MORC3: variants seen among roughly 807,000 people sequenced by gnomAD.
MORC3 encodes MORC family CW-type zinc finger protein 3.
In MORC3, 31 loss-of-function variants were observed where a neutral mutation model predicts 109.1. That is an observed-to-expected ratio of 0.28 (90% CI 0.21 to 0.38). The LOEUF is 0.38. Among genes scored for constraint, MORC3 ranks in the 10% least tolerant of loss-of-function variants. The pLI, the probability that MORC3 is intolerant of heterozygous loss-of-function variation, is 1.00. For missense variants in MORC3, 867 were observed against 1,135.8 expected (o/e 0.76, Z 3.40); for synonymous variants, 395 against 380.7 (o/e 1.04, Z -0.44).
intron 1 of MORC3, 132 bp from the exon 2 acceptor site, chr21:36,333,514 T>G (rs2085338381): frequency 1.5e-6 from 1 of 680,768 alleles, no homozygotes; most frequent in South Asian, 1.8e-5. Context: ...ATCTTCCAGA[T>G]GTATCCTGGA....
rs749196006 is a variant in MORC3 at position 36,369,024 on chromosome 21, G to A, written c.1656G>A (p.Leu552=). ...KRRLSTRSSI[L]NAKNRRLSSQ... ...GACTTTCTACTCGTTCCTCAATTTT[G>A]AATGCAAAGAATCGGAGATTGAGTA... The change falls in exon 15 of 17, where the codon TTG becomes TTA. Residue 552 remains leucine (L), a synonymous_variant. Coordinates refer to ENST00000400485, the MANE Select transcript of MORC3 (RefSeq NM_015358.3). 10 of 1,611,068 alleles carry A rather than the reference G, an allele frequency of 6.2e-6. No homozygotes were observed. Among genetic ancestry groups the A allele is most frequent in the Non-Finnish European group, 7.6e-6 (9 of 1,178,132 alleles).
At chr21:36,364,301 C>T (rs2085753780) in intron 14 of MORC3, 42 bp downstream of exon 14, 3 of 1,585,494 alleles carry the variant, frequency 1.9e-6, no homozygotes, top group Non-Finnish European at 2.6e-6. Flanking sequence ...GAATATTAAA[C>T]AGAGCTTTTA....
At chr21:36,360,596 C>T (rs191376890) in intron 12 of MORC3, 8 of 304,608 alleles carry the variant, frequency 2.6e-5, no homozygotes, top group Middle Eastern at 1.2e-3. Flanking sequence ...TTACCAGTTA[C>T]GTGTTGGTGA....
intron 6 of MORC3, among the ~76,000 whole-genome samples, chr21:36,342,762 T>C (rs1402227366): frequency 6.6e-6 from 1 of 151,724 alleles, no homozygotes; most frequent in African/African-American, 2.4e-5. Flanking sequence ...CTCACACATG[T>C]AATCCCAGCA....
At chr21:36,344,800 G>A in intron 7 of MORC3, 93 bp downstream of exon 7, 2 of 1,587,880 alleles carry the variant, frequency 1.3e-6, no homozygotes, top group Non-Finnish European at 1.7e-6. Context: ...ATTCTAGTCT[G>A]CTCTAGCTTT....
At chr21:36,373,389 C>G (rs1028773850) in intron 16 of MORC3, among the ~76,000 whole-genome samples, 4 of 150,382 alleles carry the variant, frequency 2.7e-5, no homozygotes, top group African/African-American at 9.8e-5. Context: ...TTTGGGAGGC[C>G]AAGATGGGTG....
At chr21:36,337,984 C>T in intron 4 of MORC3, 38 bp downstream of exon 4, 1 of 1,591,908 alleles carries the variant, frequency 6.3e-7, no homozygotes, top group Non-Finnish European at 8.6e-7. Flanking sequence ...TGTGGAGAAA[C>T]TGAAGAAATA....
intron 14 of MORC3, among the ~76,000 whole-genome samples, chr21:36,365,878 G>A (rs1168961710): frequency 6.6e-6 from 1 of 152,022 alleles, no homozygotes; most frequent in African/African-American, 2.4e-5. Context: ...CACAGCACCC[G>A]GCCAGTTTGC....
At chr21:36,340,075 G>A (rs916813972) in intron 5 of MORC3, among the ~76,000 whole-genome samples, 6 of 151,998 alleles carry the variant, frequency 3.9e-5, no homozygotes, top group African/African-American at 1.2e-4. Flanking sequence ...TCAGGAGATC[G>A]AGACCATCCT....
At chr21:36,354,926 C>T (rs2085628073) in intron 9 of MORC3, among the ~76,000 whole-genome samples, 1 of 152,012 alleles carries the variant, frequency 6.6e-6, no homozygotes, top group African/African-American at 2.4e-5. Flanking sequence ...TTGCCCTCTA[C>T]CTTTTTTTTC....
intron 1 of MORC3, among the ~76,000 whole-genome samples, chr21:36,332,128 G>C (rs1265866652): frequency 1.3e-5 from 2 of 151,022 alleles, no homozygotes. Context: ...GCAGCAGAGA[G>C]AGACTATCTC....
chr21:36,346,306 A>G (rs572030905), intron 8 of MORC3, among the ~76,000 whole-genome samples: 1 of 152,330 alleles, frequency 6.6e-6, no homozygotes, highest in East Asian at 1.9e-4. Context: ...GGCCTGAGGC[A>G]ATGCGCTCGG....
At chr21:36,334,765 A>G (rs2085355938) in intron 2 of MORC3, among the ~76,000 whole-genome samples, 1 of 152,220 alleles carries the variant, frequency 6.6e-6, no homozygotes, top group Non-Finnish European at 1.5e-5. Flanking sequence ...CAGCATTTCA[A>G]TGAACGTGAG....
At chr21:36,370,028 T>A (rs1215780068) in intron 15 of MORC3, 152 bp downstream of exon 15, 2 of 814,426 alleles carry the variant, frequency 2.5e-6, no homozygotes, top group African/African-American at 3.4e-5. Flanking sequence ...GTCAAGGAGT[T>A]CGAGACCAGC....
chr21:36,375,823 C>G lies in MORC3; in HGVS notation c.*527C>G, dbSNP rs2085923836. ...ATTAATGTTTCTTTTGTATAAATTC[C>G]TGTCCTGAAATATTTTATTCATGAA... On this transcript the variant is annotated 3_prime_UTR_variant, in exon 17 of 17. Transcript: ENST00000400485. The G allele has an allele frequency of 6.6e-6, 1 of 152,494 alleles. No individual in the cohort carries two copies. Among genetic ancestry groups the G allele is most frequent in the African/African-American group, 2.4e-5 (1 of 41,426 alleles). The allele number at this position is 152,494 out of a possible 1,614,324, so 9.4% of individuals were successfully genotyped here.
rs1491516264 is a variant in MORC3 at position 36,351,058 on chromosome 21, T to TC, written c.1103+1650_1103+1651insC. On this transcript the variant is annotated intron_variant, in intron 9 of 16. Transcript: ENST00000400485. Reference sequence around the variant, plus strand: ...TTATTGTTAACTACGGTTGTCCTCCTTTTTTTTTTTTTTTTTTTTTTTTTT... The same window carrying TC: ...TTATTGTTAACTACGGTTGTCCTCCTCTTTTTTTTTTTTTTTTTTTTTTTTT... 1.8e-4 allele frequency among the ~76,000 whole-genome samples: 6 copies of TC among 34,044 alleles called. No homozygotes were observed. The East Asian group carries it at 5.3e-3, about 30-fold the overall frequency. The allele number at this position is 34,044 out of a possible 152,430, so 22.3% of individuals were successfully genotyped here. A position where few individuals can be genotyped will look rare whatever the true frequency, so the allele number is the denominator to read the frequency against.
chr21:36,338,761 A>G lies in MORC3; in HGVS notation c.461-13A>G, dbSNP rs2059490073. ...ACTATGTTGTCAATCTGAGTCTTTA[A>G]CTTATGATATACGACAGATGATTAA... On this transcript the variant is annotated splice_polypyrimidine_tract_variant and intron_variant, in intron 4 of 16. Coordinates refer to ENST00000400485, the MANE Select transcript of MORC3 (RefSeq NM_015358.3). 6.2e-7 allele frequency: 1 copy of G among 1,601,168 alleles called. No homozygotes were observed. Among genetic ancestry groups the G allele is most frequent in the African/African-American group, 1.3e-5 (1 of 74,706 alleles).
intron 2 of MORC3, among the ~76,000 whole-genome samples, chr21:36,336,611 G>T (rs1004965737): frequency 1.3e-5 from 2 of 152,090 alleles, no homozygotes; most frequent in Admixed American, 1.3e-4. Flanking sequence ...TTGGTGTGCT[G>T]GGTACCAGTC....
chr21:36,346,773 C>T (rs1281306414), intron 8 of MORC3, among the ~76,000 whole-genome samples: 1 of 151,736 alleles, frequency 6.6e-6, no homozygotes, highest in African/African-American at 2.4e-5. Context: ...TGTGCCTCTG[C>T]TTTTCAGTCT....
Sources: gnomAD v4.1 joint callset for allele counts (sites outside exome capture counted in the v4.1 genomes callset) on GRCh38, gnomAD v4.1.1 for gene constraint, MANE v1.5 for transcripts, NCBI Gene and HGNC (gene_info 2026-07-23, HGNC 2026-07-21) for gene names.